The following EXD3 variants were observed in gnomAD, a reference collection of about 807,000 sequenced individuals.
EXD3 encodes the protein exonuclease mut-7 homolog.
EXD3 carries 92 observed loss-of-function variants against 98.0 expected under a neutral mutation model. The observed-to-expected ratio is 0.94, with a 90% confidence interval of 0.79 to 1.12. The LOEUF (loss-of-function observed/expected upper bound fraction) is 1.12, where lower values mean the gene tolerates loss of function less well. EXD3 is among the 50% of genes most tolerant of loss of function. The pLI is 0.00. For synonymous variants in EXD3, 569 were observed against 526.0 expected (o/e 1.08, Z -1.12); for missense variants, 1,222 against 1,191.6 (o/e 1.03, Z -0.38).
chr9:137,312,501 C>T (rs1156804653), intron 19 of EXD3, among the ~76,000 whole-genome samples: 6 of 152,280 alleles, frequency 3.9e-5, no homozygotes, highest in East Asian at 1.9e-4. Flanking sequence ...TCCTGGGGGC[C>T]GGGCCACCAG....
At chr9:137,309,860 C>T (rs1363960492) in intron 19 of EXD3, among the ~76,000 whole-genome samples, 160 bp from the exon 20 acceptor site, 1 of 152,232 alleles carries the variant, frequency 6.6e-6, no homozygotes, top group Non-Finnish European at 1.5e-5. Flanking sequence ...CTGTGGGGTT[C>T]AGGCCATACC....
Position 137,422,906 on chromosome 9 carries a change from C to G in EXD3, c.-48+208G>C, listed in dbSNP as rs1199177304. Among the ~76,000 whole-genome samples the G allele has an allele frequency of 3.3e-5, 5 of 152,210 alleles. No homozygotes were observed. The East Asian group carries it at 7.7e-4, about 24-fold the overall frequency. On this transcript the variant is annotated intron_variant, in intron 1 of 21. Coordinates refer to ENST00000340951, the MANE Select transcript of EXD3 (RefSeq NM_017820.5). The stretch of plus-strand genomic sequence containing the variant: ...CAGCTCCCCGCGGCGTCCGGCTGCT[C>G]GGCGGCCTCCGGAGCGGGGCCCTGC...
At chr9:137,328,037 A>G (rs891904959) in intron 17 of EXD3, among the ~76,000 whole-genome samples, 3 of 152,286 alleles carry the variant, frequency 2.0e-5, no homozygotes, top group Admixed American at 6.5e-5. Flanking sequence ...GAGTAAAAAC[A>G]ACGAATAAAC....
At position 137,413,672 on chromosome 9, in the gene EXD3, T is replaced by C. The variant is rs114403913; in HGVS notation, c.-48+9442A>G. Reference sequence around the variant, plus strand: ...GCCCACTACCACACCCGGCTAAGTTTTATATTTCTGGTAGAGACGGGGTGT... The same window carrying C: ...GCCCACTACCACACCCGGCTAAGTTCTATATTTCTGGTAGAGACGGGGTGT... On this transcript the variant is annotated intron_variant, in intron 1 of 21. Transcript: ENST00000340951. 6.3e-3 allele frequency among the ~76,000 whole-genome samples: 949 copies of C among 151,828 alleles called. 14 individuals carry two copies. Among genetic ancestry groups the C allele is most frequent in the African/African-American group, 0.022 (898 of 41,382 alleles).
chr9:137,320,844 T>C (rs952801546), intron 19 of EXD3, among the ~76,000 whole-genome samples: 2 of 152,218 alleles, frequency 1.3e-5, no homozygotes, highest in South Asian at 4.1e-4. Flanking sequence ...CAGCCGATTC[T>C]GAACAGCTCA....
intron 2 of EXD3, among the ~76,000 whole-genome samples, chr9:137,390,249 T>C (rs1238489779): frequency 2.1e-5 from 3 of 146,258 alleles, no homozygotes; most frequent in African/African-American, 7.8e-5. Context: ...GCTAACATGG[T>C]GAAACCCCAT....
chr9:137,351,677 G>C, intron 12 of EXD3, 149 bp from the exon 13 acceptor site: 1 of 739,290 alleles, frequency 1.4e-6, no homozygotes, highest in Non-Finnish European at 2.2e-6. Flanking sequence ...GGCTGTTGGG[G>C]GCACTAAGGC....
chr9:137,379,307 G>A, intron 3 of EXD3, among the ~76,000 whole-genome samples: 1 of 143,780 alleles, frequency 7.0e-6, no homozygotes. Context: ...CGTTGCCTGG[G>A]GCCGAGGGGA....
chr9:137,339,393 G>A (rs1370093581), intron 17 of EXD3, among the ~76,000 whole-genome samples: 1 of 151,708 alleles, frequency 6.6e-6, no homozygotes, highest in Non-Finnish European at 1.5e-5. Context: ...GCCGGGTGAG[G>A]TGCCACATGC....
intron 19 of EXD3, among the ~76,000 whole-genome samples, chr9:137,317,210 G>T (rs982481114): frequency 1.3e-5 from 2 of 152,140 alleles, no homozygotes; most frequent in East Asian, 3.9e-4. Context: ...GCACCTGCCA[G>T]CCCACGCGGG....
In EXD3 at chr9:137,406,254, G is replaced by A. The variant is rs192561442; in HGVS notation, c.-47-10850C>T. Among the ~76,000 whole-genome samples, 86 of 134,906 alleles carry A rather than the reference G, an allele frequency of 6.4e-4. No individual in the cohort carries two copies. The East Asian group carries it at 0.011, about 18-fold the overall frequency. The allele number at this position is 134,906 out of a possible 152,430, so 88.5% of individuals were successfully genotyped here. A position where few individuals can be genotyped will look rare whatever the true frequency, so the allele number is the denominator to read the frequency against. On this transcript the variant is annotated intron_variant, in intron 1 of 21. Transcript: ENST00000340951. ...GAAAAGAAAGAAAAGAAAAGAAAAG[G>A]AAAGGAAAAGAAAGAAAATAAAAGG... is the stretch of plus-strand genomic sequence containing the variant.
At chr9:137,366,749 C>T (rs1835281977) in intron 6 of EXD3, 117 bp from the exon 7 acceptor site, 1 of 1,310,888 alleles carries the variant, frequency 7.6e-7, no homozygotes, top group South Asian at 1.5e-5. Flanking sequence ...AGAGGCCGTC[C>T]AGGCCCAGCA....
At chr9:137,363,841 T>A (rs1835101520) in intron 7 of EXD3, among the ~76,000 whole-genome samples, 1 of 152,186 alleles carries the variant, frequency 6.6e-6, no homozygotes, top group African/African-American at 2.4e-5. Context: ...TACATCTAAA[T>A]GGTCAAGTAT....
At chr9:137,345,152 C>T (rs1232817039) in intron 17 of EXD3, among the ~76,000 whole-genome samples, 3 of 152,276 alleles carry the variant, frequency 2.0e-5, no homozygotes, top group Non-Finnish European at 4.4e-5. Flanking sequence ...CTGGATGTGA[C>T]AGGCACTTTG....
chr9:137,352,681 G>A lies in EXD3; in HGVS notation c.976C>T (p.Pro326Ser), dbSNP rs1037882968. The change falls in exon 11 of 22, where the codon CCC becomes TCC. Residue 326 changes from proline to serine, a missense_variant. Transcript: ENST00000340951. ...ACCGCAGCCGGCAGCCGCTCCTCGG[G>A]CAGCAAGAGTTCCATGGCACACTGG... ...AAQCAMELLL[P>S]EERLPAAVAV... 3.9e-6 allele frequency: 6 copies of A among 1,555,946 alleles called. No individual in the cohort carries two copies. Among genetic ancestry groups the A allele is most frequent in the Non-Finnish European group, 5.2e-6 (6 of 1,150,870 alleles).
At position 137,395,551 on chromosome 9, in the gene EXD3, A is replaced by T; in HGVS notation, c.-47-147T>A. The T allele has an allele frequency of 1.4e-6, 1 of 691,600 alleles. No homozygotes were observed. Among genetic ancestry groups the T allele is most frequent in the Non-Finnish European group, 2.4e-6 (1 of 414,404 alleles). The allele number at this position is 691,600 out of a possible 1,614,324, so 42.8% of individuals were successfully genotyped here. ...CCCCCAGTCGCTGAGCATAGCGGGC[A>T]GCTCCACACTCCTCTCCCAGCTGGG... On this transcript the variant is annotated intron_variant, in intron 1 of 21. Coordinates refer to ENST00000340951, the MANE Select transcript of EXD3 (RefSeq NM_017820.5). This position sits in a 1 kb window ranked among gnomAD's most constrained non-coding sequence, Gnocchi z 6.5.
At chr9:137,353,074 T>C in intron 10 of EXD3, 1 of 1,259,722 alleles carries the variant, frequency 7.9e-7, no homozygotes, top group Admixed American at 4.1e-5. Context: ...CCACCTCAGT[T>C]CAGCCCCAGC....
chr9:137,355,570 TGGAGGAA>T lies in EXD3; in HGVS notation c.757+691_757+697del, dbSNP rs1834659536. Among the ~76,000 whole-genome samples the T allele has an allele frequency of 7.0e-3, 27 of 3,854 alleles. 5 individuals carry two copies. The highest frequency in any genetic ancestry group is 0.014 in the Admixed American group (6 of 416). 2.5% of individuals were successfully genotyped at this position (3,854 alleles called of 152,430 possible). On this transcript the variant is annotated intron_variant, in intron 8 of 21. Transcript: ENST00000340951. Reference sequence around the variant, plus strand: ...GGAAGGAGGAAGGAGGAAGGGAGGATGGAGGAAGGAGGAAGGAGAAAGGGCGGAAGGA... The same window carrying T: ...GGAAGGAGGAAGGAGGAAGGGAGGATGGAGGAAGGAGAAAGGGCGGAAGGA...
chr9:137,361,279 G>A lies in EXD3; in HGVS notation c.657-4911C>T, dbSNP rs146651526. On this transcript the variant is annotated intron_variant, in intron 7 of 21. Coordinates refer to ENST00000340951, the MANE Select transcript of EXD3 (RefSeq NM_017820.5). ...TTCGCCCAAGTAAAGAGCACCCTGCGTGTGAGGAACTCACACAAAGCAGAG... is the reference window on the plus strand; with the variant it reads ...TTCGCCCAAGTAAAGAGCACCCTGCATGTGAGGAACTCACACAAAGCAGAG... Among the ~76,000 whole-genome samples the A allele has an allele frequency of 3.6e-3, 318 of 87,284 alleles. 106 individuals are homozygous for A. The highest frequency in any genetic ancestry group is 6.4e-3 in the African/African-American group (202 of 31,592). The allele number at this position is 87,284 out of a possible 152,430, so 57.3% of individuals were successfully genotyped here.
Sources: gnomAD v4.1 joint callset for allele counts (sites outside exome capture counted in the v4.1 genomes callset) on GRCh38, gnomAD v4.1.1 for gene constraint, Gnocchi (gnomAD v3.1) non-coding constraint, MANE v1.5 for transcripts, NCBI Gene and HGNC (gene_info 2026-07-23, HGNC 2026-07-21) for gene names.